IYD: variants seen among roughly 807,000 people sequenced by gnomAD.
IYD encodes iodotyrosine deiodinase.
IYD carries 25 observed loss-of-function variants against 28.4 expected under a neutral mutation model. The ratio of observed to expected loss-of-function variants is 0.88; its 90% CI spans 0.64 to 1.23. The LOEUF is 1.23. IYD is among the 50% of genes most tolerant of loss of function. The pLI is 0.00. For missense variants in IYD, 352 were observed against 357.9 expected (o/e 0.98, Z 0.13); for synonymous variants, 140 against 130.8 (o/e 1.07, Z -0.48).
chr6:150,383,851 C>T (rs1777757839), intron 1 of IYD, among the ~76,000 whole-genome samples: 2 of 150,762 alleles, frequency 1.3e-5, no homozygotes, highest in African/African-American at 4.9e-5. Context: ...AAAAAACCTC[C>T]TCCCAAAAAA....
In IYD at chr6:150,369,216, A is replaced by G. The variant is rs1373762328; in HGVS notation, c.178+7A>G. ...CTGCACCAAGCAGAAGAAGGTAAAG[A>G]CACCAGCTATGCTGCTTAGCTTCGC... On this transcript the variant is annotated splice_region_variant and intron_variant, in intron 1 of 4. Coordinates refer to ENST00000344419, the MANE Select transcript of IYD (RefSeq NM_203395.3). The G allele has an allele frequency of 1.2e-6, 2 of 1,611,340 alleles. No individual in the cohort carries two copies. The highest frequency in any genetic ancestry group is 2.7e-5 in the African/African-American group (2 of 74,940).
At position 150,402,008 on chromosome 6, in the gene IYD, TG is replaced by T. The variant is rs1250963158; in HGVS notation, c.*3773del. ...GATTGTGTGATTCAGTATTGCTGGGTGGTGCCCAAATGCTCCAGTTCTAATG... is the reference window on the plus strand; with the variant it reads ...GATTGTGTGATTCAGTATTGCTGGGTGTGCCCAAATGCTCCAGTTCTAATG... On this transcript the variant is annotated 3_prime_UTR_variant, in exon 5 of 5. Transcript: ENST00000344419. The T allele has an allele frequency of 6.6e-6, 1 of 152,198 alleles. No homozygotes were observed. The highest frequency in any genetic ancestry group is 6.5e-5 in the Admixed American group (1 of 15,286). The allele number at this position is 152,198 out of a possible 1,614,324, so 9.4% of individuals were successfully genotyped here. A position where few individuals can be genotyped will look rare whatever the true frequency, so the allele number is the denominator to read the frequency against.
chr6:150,397,943 G>C, intron 4 of IYD, 112 bp from the exon 5 acceptor site: 2 of 1,106,532 alleles, frequency 1.8e-6, no homozygotes, highest in East Asian at 4.8e-5. Context: ...CCCAACTTCA[G>C]GGAAATGATA....
At position 150,403,883 on chromosome 6, in the gene IYD, A is replaced by G. The variant is rs1422712001; in HGVS notation, c.*5646A>G. On this transcript the variant is annotated 3_prime_UTR_variant, in exon 5 of 5. Coordinates refer to ENST00000344419, the MANE Select transcript of IYD (RefSeq NM_203395.3). ...GAGTGCCAAGTAAACGCAAAAGCCAATGAGATCATAAAGGAAGTTGTTAGC... is the reference window on the plus strand; with the variant it reads ...GAGTGCCAAGTAAACGCAAAAGCCAGTGAGATCATAAAGGAAGTTGTTAGC... 1 of 152,256 alleles carries G rather than the reference A, an allele frequency of 6.6e-6. No homozygotes were observed. 9.4% of individuals were successfully genotyped at this position (152,256 alleles called of 1,614,324 possible).
chr6:150,383,463 A>G (rs986488379), intron 1 of IYD, among the ~76,000 whole-genome samples: 1 of 152,208 alleles, frequency 6.6e-6, no homozygotes, highest in African/African-American at 2.4e-5. Flanking sequence ...ATTTCCTACA[A>G]TAACAGATGA....
rs1445699351 is a variant in IYD, at chr6:150,399,126, A to C, written c.*889A>C. 1 of 152,274 alleles carries C rather than the reference A, an allele frequency of 6.6e-6. No individual in the cohort carries two copies. The highest frequency in any genetic ancestry group is 1.5e-5 in the Non-Finnish European group (1 of 68,070). The allele number at this position is 152,274 out of a possible 1,614,324, so 9.4% of individuals were successfully genotyped here. ...CTTGGGTCGCACGGGCCTGGCTGGC[A>C]TGTAAACGGTCAGTTGCACTGCCTA... On this transcript the variant is annotated 3_prime_UTR_variant, in exon 5 of 5. Coordinates refer to ENST00000344419, the MANE Select transcript of IYD (RefSeq NM_203395.3).
Position 150,401,117 on chromosome 6 carries a change from T to C in IYD, c.*2880T>C, listed in dbSNP as rs999400912. ...GGAGCATATACAGTTCTCATTATAC[T>C]CTTATTTTAAATTTATATTTGAACA... On this transcript the variant is annotated 3_prime_UTR_variant, in exon 5 of 5. Transcript: ENST00000344419. 2.0e-5 allele frequency: 3 copies of C among 152,228 alleles called. No individual in the cohort carries two copies. Among genetic ancestry groups the C allele is most frequent in the Non-Finnish European group, 2.9e-5 (2 of 68,044 alleles). The allele number at this position is 152,228 out of a possible 1,614,324, so 9.4% of individuals were successfully genotyped here.
Position 150,398,686 on chromosome 6 carries a change from CT to C in IYD, c.*461del, listed in dbSNP as rs61597872. ...TTTAGACACTAATTTTTGAGAACTA[CT>C]TTTTTTTTTTTACCAAACTTCAGGG... On this transcript the variant is annotated 3_prime_UTR_variant, in exon 5 of 5. Transcript: ENST00000344419. The C allele has an allele frequency of 0.014, 2,154 of 150,064 alleles. 31 individuals carry two copies. Among genetic ancestry groups the C allele is most frequent in the African/African-American group, 0.035 (1,425 of 40,592 alleles). 9.3% of individuals were successfully genotyped at this position (150,064 alleles called of 1,614,324 possible). A position where few individuals can be genotyped will look rare whatever the true frequency, so the allele number is the denominator to read the frequency against.
At chr6:150,397,677 T>C (rs991808223) in intron 4 of IYD, among the ~76,000 whole-genome samples, 2 of 152,140 alleles carry the variant, frequency 1.3e-5, no homozygotes, top group African/African-American at 4.8e-5. Context: ...TTGGTTCTTG[T>C]ACCAGGACAC....
intron 3 of IYD, among the ~76,000 whole-genome samples, chr6:150,393,202 G>A (rs190279396): frequency 2.0e-5 from 3 of 152,334 alleles, no homozygotes; most frequent in Admixed American, 2.0e-4. Context: ...GTACACAAGA[G>A]TACATTTTAT....
At chr6:150,370,608 A>G (rs1777205829) in intron 1 of IYD, 1 of 985,402 alleles carries the variant, frequency 1.0e-6, no homozygotes, top group Non-Finnish European at 1.2e-6. Context: ...CAGAACGTCA[A>G]TTCTACCCAG....
intron 1 of IYD, among the ~76,000 whole-genome samples, chr6:150,378,434 G>T (rs577503532): frequency 2.0e-5 from 3 of 151,966 alleles, no homozygotes; most frequent in African/African-American, 4.8e-5. Flanking sequence ...GCGGTGTTTG[G>T]TTTTTTGTCC....
intron 2 of IYD, among the ~76,000 whole-genome samples, chr6:150,391,537 G>A (rs1380524982): frequency 6.6e-6 from 1 of 152,066 alleles, no homozygotes; most frequent in Non-Finnish European, 1.5e-5. Context: ...TTTCTTCCAT[G>A]TAATTAGAGA....
intron 1 of IYD, among the ~76,000 whole-genome samples, chr6:150,372,917 C>T (rs79137071): frequency 0.019 from 2,921 of 152,220 alleles, 96 homozygotes; most frequent in African/African-American, 0.067. Context: ...TGAAGTTTAT[C>T]TCAAAGAAAT....
chr6:150,401,869 C>G lies in IYD; in HGVS notation c.*3632C>G, dbSNP rs952259404. On this transcript the variant is annotated 3_prime_UTR_variant, in exon 5 of 5. Transcript: ENST00000344419. Reference sequence around the variant, plus strand: ...TACTTTGCCAAGAGGGAATTTTTAACTCAAAGTTGTGTCAGCCAGCACGGG... The same window carrying G: ...TACTTTGCCAAGAGGGAATTTTTAAGTCAAAGTTGTGTCAGCCAGCACGGG... 2.6e-5 allele frequency: 4 copies of G among 152,204 alleles called. No individual in the cohort carries two copies. Among genetic ancestry groups the G allele is most frequent in the Non-Finnish European group, 5.9e-5 (4 of 68,042 alleles). The allele number at this position is 152,204 out of a possible 1,614,324, so 9.4% of individuals were successfully genotyped here.
In IYD at chr6:150,369,505, G is replaced by C. The variant is rs116170157; in HGVS notation, c.178+296G>C. On this transcript the variant is annotated intron_variant, in intron 1 of 4. Transcript: ENST00000344419. The stretch of plus-strand genomic sequence containing the variant: ...TCTGGTTGTTAAAATCTTTCTGCAG[G>C]AATTCATCCCAGGCTGGCAGTGGGC... Among the ~76,000 whole-genome samples the C allele has an allele frequency of 5.9e-3, 898 of 152,246 alleles. 7 individuals are homozygous for C. Among genetic ancestry groups the C allele is most frequent in the African/African-American group, 0.02 (843 of 41,532 alleles).
Position 150,404,866 on chromosome 6 carries a change from A to G in IYD, c.*6629A>G, listed in dbSNP as rs1228875538. On this transcript the variant is annotated 3_prime_UTR_variant, in exon 5 of 5. Transcript: ENST00000344419. ...CCCTCCTAGTGAGAAGTCTGGAGGTAGATATTAGATGCTGGTCTATTGCTT... is the reference window on the plus strand; with the variant it reads ...CCCTCCTAGTGAGAAGTCTGGAGGTGGATATTAGATGCTGGTCTATTGCTT... 1 of 152,216 alleles carries G rather than the reference A, an allele frequency of 6.6e-6. No homozygotes were observed. Among genetic ancestry groups the G allele is most frequent in the African/African-American group, 2.4e-5 (1 of 41,462 alleles). The allele number at this position is 152,216 out of a possible 1,614,324, so 9.4% of individuals were successfully genotyped here. A position where few individuals can be genotyped will look rare whatever the true frequency, so the allele number is the denominator to read the frequency against.
At chr6:150,381,196 A>G (rs1044125047) in intron 1 of IYD, among the ~76,000 whole-genome samples, 1 of 152,234 alleles carries the variant, frequency 6.6e-6, no homozygotes, top group Non-Finnish European at 1.5e-5. Flanking sequence ...TATTTTAAAC[A>G]CGAAACAGAA....
chr6:150,388,835 G>C (rs1217680104), intron 1 of IYD, among the ~76,000 whole-genome samples: 1 of 151,204 alleles, frequency 6.6e-6, no homozygotes, highest in East Asian at 1.9e-4. Context: ...CCAAGTAGTT[G>C]GGATTACAGG....
Sources: allele counts gnomAD v4.1 joint callset (sites outside exome capture counted in the v4.1 genomes callset), GRCh38; gene constraint gnomAD v4.1.1; transcripts MANE v1.5; gene names NCBI Gene and HGNC (gene_info 2026-07-23, HGNC 2026-07-21).